ZSWIM6: variants seen among roughly 807,000 people sequenced by gnomAD.
The protein encoded by ZSWIM6 is zinc finger SWIM domain-containing protein 6.
A neutral mutation model predicts 113.2 loss-of-function variants in ZSWIM6; 9 were observed. The observed-to-expected ratio is 0.08, with a 90% CI of 0.05 to 0.14. The LOEUF (loss-of-function observed/expected upper bound fraction) is 0.14, where lower values mean the gene tolerates loss of function less well. ZSWIM6 is among the 10% of genes least tolerant of loss of function. ZSWIM6 has a pLI of 1.00. For missense variants in ZSWIM6, 1,162 were observed against 1,552.2 expected (o/e 0.75, Z 4.22); for synonymous variants, 611 against 606.5 (o/e 1.01, Z -0.11).
intron 1 of ZSWIM6, among the ~76,000 whole-genome samples, chr5:61,432,298 G>A (rs967901904): frequency 1.9e-4 from 29 of 152,164 alleles, no homozygotes; most frequent in African/African-American, 6.0e-4. Flanking sequence ...TGTGCAAAAC[G>A]AACTGCAGGA....
chr5:61,431,406 A>C (rs1579992968), intron 1 of ZSWIM6, among the ~76,000 whole-genome samples: 1 of 131,880 alleles, frequency 7.6e-6, no homozygotes, highest in Non-Finnish European at 1.6e-5. Context: ...AAATCATCTT[A>C]TGGTAAATAA....
intron 1 of ZSWIM6, among the ~76,000 whole-genome samples, chr5:61,437,089 A>C (rs1292915800): frequency 6.6e-6 from 1 of 152,184 alleles, no homozygotes; most frequent in African/African-American, 2.4e-5. Context: ...AACCAAGCAA[A>C]AAGGGTTCTG....
chr5:61,522,811 T>C (rs1486647893), intron 5 of ZSWIM6, among the ~76,000 whole-genome samples: 1 of 152,246 alleles, frequency 6.6e-6, no homozygotes, highest in African/African-American at 2.4e-5. Flanking sequence ...TACATCTACA[T>C]AGGTAATATC....
At chr5:61,539,227 G>T (rs1749662730) in intron 11 of ZSWIM6, among the ~76,000 whole-genome samples, 1 of 152,184 alleles carries the variant, frequency 6.6e-6, no homozygotes, top group Non-Finnish European at 1.5e-5. Context: ...TTCAGAAGCA[G>T]ATTTACAAGT....
intron 1 of ZSWIM6, among the ~76,000 whole-genome samples, chr5:61,373,248 C>CT (rs1745303125): frequency 1.3e-5 from 2 of 151,746 alleles, no homozygotes; most frequent in Non-Finnish European, 2.9e-5. Context: ...GCACCTGGCT[C>CT]TATTTACATT....
intron 1 of ZSWIM6, among the ~76,000 whole-genome samples, chr5:61,459,562 C>T (rs969518254): frequency 1.3e-5 from 2 of 152,140 alleles, no homozygotes; most frequent in African/African-American, 4.8e-5. Context: ...GCATCATGGG[C>T]AAGATACATA....
chr5:61,425,644 A>G (rs1276173815), intron 1 of ZSWIM6, among the ~76,000 whole-genome samples: 3 of 152,214 alleles, frequency 2.0e-5, no homozygotes, highest in African/African-American at 7.2e-5. Context: ...TTGTCAGAGG[A>G]GTCAGGAAAA....
intron 1 of ZSWIM6, among the ~76,000 whole-genome samples, chr5:61,369,537 G>A (rs2112065550): frequency 6.6e-6 from 1 of 152,274 alleles, no homozygotes; most frequent in African/African-American, 2.4e-5. Flanking sequence ...TGCCTGGACT[G>A]TTTTGGTTTG....
At chr5:61,473,158 G>A in intron 2 of ZSWIM6, 121 bp downstream of exon 2, 1 of 595,222 alleles carries the variant, frequency 1.7e-6, no homozygotes, top group Non-Finnish European at 2.6e-6. Flanking sequence ...CTCTTAGTTG[G>A]TCAAAAGAGA....
At chr5:61,469,001 C>A (rs1308368738) in intron 1 of ZSWIM6, among the ~76,000 whole-genome samples, 1 of 152,126 alleles carries the variant, frequency 6.6e-6, no homozygotes, top group Non-Finnish European at 1.5e-5. Context: ...AGGGGAACCC[C>A]CAGCCCCCGC....
chr5:61,391,898 C>G, intron 1 of ZSWIM6: 1 of 590,900 alleles, frequency 1.7e-6, no homozygotes, highest in South Asian at 2.1e-5. Flanking sequence ...GCCGGTAGAG[C>G]AAAAAATGGT....
chr5:61,380,987 G>T (rs989514926), intron 1 of ZSWIM6, among the ~76,000 whole-genome samples: 2 of 151,902 alleles, frequency 1.3e-5, no homozygotes, highest in Non-Finnish European at 2.9e-5. Context: ...GGTGGCTCAC[G>T]CCTGTAATCC....
At chr5:61,481,515 C>T (rs1747864180) in intron 2 of ZSWIM6, among the ~76,000 whole-genome samples, 1 of 151,992 alleles carries the variant, frequency 6.6e-6, no homozygotes, top group Non-Finnish European at 1.5e-5. Context: ...CCATTTTTAT[C>T]CCCAGCAAAG....
intron 1 of ZSWIM6, among the ~76,000 whole-genome samples, chr5:61,465,012 G>A (rs1747404421): frequency 6.6e-6 from 1 of 152,176 alleles, no homozygotes; most frequent in African/African-American, 2.4e-5. Flanking sequence ...CTGAGGTGGG[G>A]GCAATGTGGG....
chr5:61,443,022 AATCTTTATGAACACACC>A (rs1283908138), intron 1 of ZSWIM6, among the ~76,000 whole-genome samples: 3 of 152,220 alleles, frequency 2.0e-5, no homozygotes, highest in Non-Finnish European at 4.4e-5. Context: ...CTAGGTTAGC[AATCTTTATGAACACACC>A]AGCCTTTCAC....
chr5:61,530,127 C>A lies in ZSWIM6; in HGVS notation c.1913C>A (p.Thr638Asn). The change falls in exon 8 of 14, where the codon ACT becomes AAT. Residue 638 changes from threonine to asparagine, a missense_variant. Physicochemically the swap from Thr to Asn is moderately conservative, Grantham distance 65. Transcript: ENST00000252744. ...WVGHPLDPVG[T>N]LFSSLMEACR... ...GGACATCCCCTGGACCCTGTGGGCA[C>A]TCTCTTCAGTAGCCTTATGGAAGCC... is the stretch of plus-strand genomic sequence containing the variant. 1 of 1,551,818 alleles carries A rather than the reference C, an allele frequency of 6.4e-7. No individual in the cohort carries two copies. The highest frequency in any genetic ancestry group is 1.4e-5 in the African/African-American group (1 of 73,176).
intron 1 of ZSWIM6, among the ~76,000 whole-genome samples, chr5:61,438,030 T>G (rs1024536623): frequency 2.0e-5 from 3 of 152,170 alleles, no homozygotes; most frequent in African/African-American, 7.2e-5. Flanking sequence ...AGTATGAAGG[T>G]TCATGAACAA....
At chr5:61,436,641 A>G (rs1364344106) in intron 1 of ZSWIM6, among the ~76,000 whole-genome samples, 2 of 152,198 alleles carry the variant, frequency 1.3e-5, no homozygotes, top group African/African-American at 4.8e-5. Flanking sequence ...TGTTATTACT[A>G]AATATTAGGC....
At chr5:61,380,985 ACGC>A (rs1301654598) in intron 1 of ZSWIM6, among the ~76,000 whole-genome samples, 1 of 150,476 alleles carries the variant, frequency 6.6e-6, no homozygotes, top group East Asian at 2.0e-4. Flanking sequence ...GTGGTGGCTC[ACGC>A]CTGTAATCCC....
Sources: allele counts gnomAD v4.1 joint callset (sites outside exome capture counted in the v4.1 genomes callset), GRCh38; gene constraint gnomAD v4.1.1; transcripts MANE v1.5; gene names NCBI Gene and HGNC (gene_info 2026-07-23, HGNC 2026-07-21).